Variants in MTRF1 observed in about 807,000 individuals in gnomAD.
The protein encoded by MTRF1 is mitochondrial translation release factor 1, also known as peptide chain release factor 1, mitochondrial.
MTRF1 carries 51 observed loss-of-function variants against 62.9 expected under a neutral mutation model. The ratio of observed to expected loss-of-function variants is 0.81; its 90% CI spans 0.65 to 1.02. The LOEUF (loss-of-function observed/expected upper bound fraction) is 1.02. Ranked by LOEUF, MTRF1 falls within the 50% of genes least tolerant of loss-of-function variation. The pLI is 0.00. For missense variants in MTRF1, 446 were observed against 530.0 expected (o/e 0.84, Z 1.56); for synonymous variants, 158 against 181.9 (o/e 0.87, Z 1.06).
At chr13:41,220,557 G>A in intron 9 of MTRF1, 1 of 1,284,182 alleles carries the variant, frequency 7.8e-7, no homozygotes. Flanking sequence ...AAGTCATAAT[G>A]AGAATACCAG....
intron 1 of MTRF1, chr13:41,261,885 T>G: frequency 3.8e-6 from 2 of 530,316 alleles, no homozygotes; most frequent in Non-Finnish European, 4.8e-6. Context: ...TGAAAAGCTC[T>G]ACAGTTATAT....
chr13:41,270,615 A>T, the MTRF1 span, among the ~76,000 whole-genome samples: 2 of 152,248 alleles, frequency 1.3e-5, no homozygotes, highest in Non-Finnish European at 2.9e-5. Flanking sequence ...TCAAACAGCA[A>T]AATTTACATG....
intron 5 of MTRF1, among the ~76,000 whole-genome samples, chr13:41,245,094 C>T (rs2038063379): frequency 6.6e-6 from 1 of 152,094 alleles, no homozygotes; most frequent in South Asian, 2.1e-4. Context: ...TTAACTACTA[C>T]TTTCTTAAGG....
the MTRF1 span, among the ~76,000 whole-genome samples, chr13:41,291,402 T>A: frequency 6.6e-6 from 1 of 151,894 alleles, no homozygotes; most frequent in East Asian, 1.9e-4. Context: ...TATCTTGAAC[T>A]CCCAGGCTCA....
chr13:41,259,712 A>AAAAAACAAAAACAAAAAAAAAC (rs57661393), intron 2 of MTRF1, among the ~76,000 whole-genome samples: 73,094 of 136,534 alleles, frequency 0.54, 20,772 homozygotes, highest in South Asian at 0.62. Context: ...AAAAAAAAAA[A>AAAAAACAAAAACAAAAAAAAAC]AAAAAAAAAC....
At chr13:41,293,634 T>C in the MTRF1 span, among the ~76,000 whole-genome samples, 314 of 152,342 alleles carry the variant, frequency 2.1e-3, 1 homozygote, top group Middle Eastern at 0.01. Context: ...GAACACCTGA[T>C]AGTCACAGGC....
At chr13:41,249,280 G>A (rs926611297) in intron 5 of MTRF1, among the ~76,000 whole-genome samples, 2 of 152,126 alleles carry the variant, frequency 1.3e-5, no homozygotes, top group African/African-American at 4.8e-5. Flanking sequence ...GGTGGCTCAC[G>A]CCTGTAATCC....
At chr13:41,308,820 C>T in the MTRF1 span, among the ~76,000 whole-genome samples, 1 of 152,136 alleles carries the variant, frequency 6.6e-6, no homozygotes, top group Admixed American at 6.5e-5. Flanking sequence ...AGTCTTGTCA[C>T]CCAGGTAATC....
At chr13:41,272,557 C>T in the MTRF1 span, among the ~76,000 whole-genome samples, 18 of 152,070 alleles carry the variant, frequency 1.2e-4, no homozygotes, top group Non-Finnish European at 2.4e-4. Flanking sequence ...GTAACAACAA[C>T]AACGAAACCC....
intron 1 of MTRF1, among the ~76,000 whole-genome samples, chr13:41,263,001 A>C (rs907158224): frequency 1.3e-5 from 2 of 152,234 alleles, no homozygotes; most frequent in Non-Finnish European, 2.9e-5. Context: ...ATACTGCATC[A>C]CATTATTAAA....
At chr13:41,249,444 G>A (rs997469728) in intron 5 of MTRF1, among the ~76,000 whole-genome samples, 1 of 151,804 alleles carries the variant, frequency 6.6e-6, no homozygotes, top group African/African-American at 2.4e-5. Context: ...AGGAGGCTGA[G>A]GCAGGAGAAT....
intron 2 of MTRF1, among the ~76,000 whole-genome samples, chr13:41,259,701 CAAA>C (rs67069580): frequency 6.2e-4 from 18 of 29,250 alleles, no homozygotes; most frequent in East Asian, 1.2e-3. Context: ...GACTCCGTCT[CAAA>C]AAAAAAAAAA....
At chr13:41,246,800 A>G (rs1231412194) in intron 5 of MTRF1, among the ~76,000 whole-genome samples, 2 of 152,202 alleles carry the variant, frequency 1.3e-5, no homozygotes, top group Admixed American at 1.3e-4. Flanking sequence ...ACTTCATGTC[A>G]TGTGCAAATA....
At chr13:41,253,309 G>A (rs993756876) in intron 3 of MTRF1, among the ~76,000 whole-genome samples, 1 of 152,148 alleles carries the variant, frequency 6.6e-6, no homozygotes, top group African/African-American at 2.4e-5. Flanking sequence ...AAAGTCCAGG[G>A]TGTTCCATTC....
At chr13:41,259,712 A>AAAAACAAAAAC (rs1566179405) in intron 2 of MTRF1, among the ~76,000 whole-genome samples, 4 of 136,714 alleles carry the variant, frequency 2.9e-5, no homozygotes, top group African/African-American at 1.1e-4. Flanking sequence ...AAAAAAAAAA[A>AAAAACAAAAAC]AAAAAAAAAC....
intron 7 of MTRF1, among the ~76,000 whole-genome samples, chr13:41,231,281 G>A (rs2035510441): frequency 6.6e-6 from 1 of 152,188 alleles, no homozygotes; most frequent in South Asian, 2.1e-4. Flanking sequence ...AGAGACACCA[G>A]GTATTTCAGA....
intron 2 of MTRF1, among the ~76,000 whole-genome samples, chr13:41,256,976 A>G (rs73179147): frequency 0.053 from 8,065 of 152,244 alleles, 260 homozygotes; most frequent in Non-Finnish European, 0.08. Flanking sequence ...ATAATACAAA[A>G]CAGAGAAAGG....
intron 1 of MTRF1, chr13:41,263,138 T>C (rs1049565166): frequency 3.8e-6 from 2 of 526,826 alleles, no homozygotes; most frequent in African/African-American, 2.0e-5. Context: ...ATGACAAATA[T>C]ATGTTTGTAC....
chr13:41,244,659 CACTT>C (rs1345203449), intron 5 of MTRF1, among the ~76,000 whole-genome samples: 1 of 152,162 alleles, frequency 6.6e-6, no homozygotes, highest in African/African-American at 2.4e-5. Context: ...CATCTTGCAT[CACTT>C]ACTTGGGAGA....
Sources: allele counts gnomAD v4.1 joint callset (sites outside exome capture counted in the v4.1 genomes callset), GRCh38; gene constraint gnomAD v4.1.1; transcripts MANE v1.5; gene names NCBI Gene and HGNC (gene_info 2026-07-23, HGNC 2026-07-21).